Variants in TBC1D8 observed in about 807,000 individuals in gnomAD.
The protein encoded by TBC1D8 is BUB2-like protein 1.
TBC1D8 carries 65 observed loss-of-function variants against 118.8 expected under a neutral mutation model. The ratio of observed to expected loss-of-function variants is 0.55; its 90% confidence interval spans 0.45 to 0.67. TBC1D8 has a LOEUF of 0.67. TBC1D8 is among the 30% of genes least tolerant of loss of function. The probability of loss-of-function intolerance (pLI) is 0.00; values close to 1 mark genes in which losing one functional copy is unlikely to be tolerated. For synonymous variants in TBC1D8, 566 were observed against 595.8 expected, an observed-to-expected ratio of 0.95 and a Z score of 0.73; for missense variants, 1,376 against 1,471.2, an observed-to-expected ratio of 0.94 and a Z score of 1.06.
chr2:101,046,689 G>A (rs1327387541), intron 5 of TBC1D8, among the ~76,000 whole-genome samples: 2 of 152,078 alleles, frequency 1.3e-5, no homozygotes, highest in African/African-American at 4.8e-5. Context: ...AGTGGGGGGA[G>A]GGGAGGAAAG....
At chr2:101,035,708 A>G (rs1347493040) in intron 9 of TBC1D8, among the ~76,000 whole-genome samples, 1 of 152,138 alleles carries the variant, frequency 6.6e-6, no homozygotes, top group African/African-American at 2.4e-5. Flanking sequence ...CTTCACTTCC[A>G]GGGGGTTCTG....
At chr2:101,083,884 GA>G (rs1365040850) in intron 2 of TBC1D8, among the ~76,000 whole-genome samples, 1 of 152,170 alleles carries the variant, frequency 6.6e-6, no homozygotes, top group East Asian at 1.9e-4. Flanking sequence ...CACAGTGCAA[GA>G]TGCCCAAGGC....
At chr2:101,109,086 G>A (rs1046040537) in intron 1 of TBC1D8, among the ~76,000 whole-genome samples, 14 of 152,146 alleles carry the variant, frequency 9.2e-5, no homozygotes, top group African/African-American at 2.2e-4. Context: ...GCAGAGAAGC[G>A]GGGGAGAGTG....
intron 1 of TBC1D8, among the ~76,000 whole-genome samples, chr2:101,120,273 C>T (rs1678035872): frequency 1.3e-5 from 2 of 152,192 alleles, no homozygotes; most frequent in African/African-American, 2.4e-5. Flanking sequence ...TCTCATGTGC[C>T]CGGCCTTCCC....
At chr2:101,054,643 TCAAA>T (rs1298644197) in intron 3 of TBC1D8, among the ~76,000 whole-genome samples, 29 of 65,474 alleles carry the variant, frequency 4.4e-4, no homozygotes, top group African/African-American at 1.4e-3. Flanking sequence ...AGCCCGGTTC[TCAAA>T]CAAACAATCA....
chr2:101,027,916 T>C (rs1305559552), intron 14 of TBC1D8, 132 bp downstream of exon 14: 12 of 781,428 alleles, frequency 1.5e-5, no homozygotes, highest in Non-Finnish European at 2.3e-5. Context: ...ACTTCACCCT[T>C]AAGTTGTTAA....
At chr2:101,068,224 T>TC (rs1218876037) in intron 2 of TBC1D8, among the ~76,000 whole-genome samples, 2 of 152,190 alleles carry the variant, frequency 1.3e-5, no homozygotes, top group Non-Finnish European at 2.9e-5. Context: ...TATTTTGACC[T>TC]CCTTCCAAGA....
chr2:101,077,063 G>A (rs961225418), intron 2 of TBC1D8, among the ~76,000 whole-genome samples: 5 of 152,222 alleles, frequency 3.3e-5, no homozygotes, highest in East Asian at 3.9e-4. Flanking sequence ...TCGCTCTGTC[G>A]CCCAGACTGG....
At chr2:101,143,434 A>T (rs1319799003) in intron 1 of TBC1D8, among the ~76,000 whole-genome samples, 1 of 152,176 alleles carries the variant, frequency 6.6e-6, no homozygotes, top group Non-Finnish European at 1.5e-5. Context: ...AAGACTCACC[A>T]AATGTTAAAG....
At chr2:101,012,511 C>A (rs554104699) in intron 17 of TBC1D8, among the ~76,000 whole-genome samples, 1 of 151,882 alleles carries the variant, frequency 6.6e-6, no homozygotes, top group Admixed American at 6.6e-5. Context: ...AAGCTGCCTA[C>A]GGCTGGGGAA....
chr2:101,060,156 A>G (rs1436008013), intron 2 of TBC1D8, among the ~76,000 whole-genome samples: 1 of 152,214 alleles, frequency 6.6e-6, no homozygotes, highest in Admixed American at 6.5e-5. Context: ...AACTCTGACC[A>G]TCTCCACTCA....
intron 5 of TBC1D8, among the ~76,000 whole-genome samples, chr2:101,046,531 G>A (rs1174765699): frequency 6.6e-6 from 1 of 152,212 alleles, no homozygotes. Context: ...CTGTCAGGCT[G>A]CGGGAGCCCC....
chr2:101,090,012 GAAGGAA>G (rs1675915839), intron 2 of TBC1D8, among the ~76,000 whole-genome samples, 191 bp downstream of exon 2: 1 of 147,352 alleles, frequency 6.8e-6, no homozygotes, highest in South Asian at 2.2e-4. Flanking sequence ...AAGGGGAGAG[GAAGGAA>G]GAGGAGGGCA....
Position 101,037,699 on chromosome 2 carries a change from C to A in TBC1D8, c.1285G>T (p.Val429Leu). 1 of 1,613,074 alleles carries A rather than the reference C, an allele frequency of 6.2e-7. No individual in the cohort carries two copies. The highest frequency in any genetic ancestry group is 8.5e-7 in the Non-Finnish European group (1 of 1,179,876). The change falls in exon 8 of 20, where the codon GTG becomes TTG. Residue 429 changes from valine (V) to leucine (L), a missense_variant. By Grantham distance (32) the Val-to-Leu change is conservative. Coordinates refer to ENST00000409318, the MANE Select transcript of TBC1D8 (RefSeq NM_001330348.2). Reference protein sequence around the residue: ...TSADDDMASLVFHSTSMCSDH... With the variant: ...TSADDDMASLLFHSTSMCSDH... ...CTGCACATGCTTGTTGAATGAAACA[C>A]GAGTGAAGCCTGCACAGCAAGAGAG...
intron 1 of TBC1D8, among the ~76,000 whole-genome samples, chr2:101,120,616 T>A (rs576609093): frequency 1.3e-5 from 2 of 152,304 alleles, no homozygotes; most frequent in East Asian, 3.9e-4. Flanking sequence ...AGAAACTACC[T>A]GTCAGTGTCA....
At chr2:101,111,400 T>C (rs1035178056) in intron 1 of TBC1D8, among the ~76,000 whole-genome samples, 5 of 152,108 alleles carry the variant, frequency 3.3e-5, no homozygotes, top group Non-Finnish European at 7.3e-5. Context: ...ACATGCGCGG[T>C]CCTGTGCCCA....
intron 17 of TBC1D8, chr2:101,018,980 G>T: frequency 6.2e-7 from 1 of 1,610,718 alleles, no homozygotes; most frequent in Non-Finnish European, 8.5e-7. Context: ...CAAATCATCT[G>T]TAATATTTCT....
Position 101,151,246 on chromosome 2 carries a change from A to G in TBC1D8, c.8T>C (p.Leu3Pro). MWLKPEEVLLKNA... is the reference protein window; with the variant it reads MWPKPEEVLLKNA... ...CTTCAGCAGCACCTCCTCGGGCTTG[A>G]GCCACATCGCGGCGGTCCGGCCGCG... is the stretch of plus-strand genomic sequence containing the variant. Residue 3 changes from leucine to proline, a missense_variant, in exon 1 of 20, where the codon CTC becomes CCC. Physicochemically the swap from Leu to Pro is moderately conservative, Grantham distance 98 (BLOSUM62 -3). Coordinates refer to ENST00000409318, the MANE Select transcript of TBC1D8 (RefSeq NM_001330348.2). 8.4e-7 allele frequency: 1 copy of G among 1,186,116 alleles called. No homozygotes were observed. The highest frequency in any genetic ancestry group is 2.6e-5 in the South Asian group (1 of 38,768). The allele number at this position is 1,186,116 out of a possible 1,614,324, so 73.5% of individuals were successfully genotyped here.
At chr2:101,018,307 T>C (rs1240718892) in intron 17 of TBC1D8, 2 of 161,858 alleles carry the variant, frequency 1.2e-5, no homozygotes, top group South Asian at 2.0e-4. Context: ...TATAATGTCA[T>C]GTGCTCTTTC....
Sources: allele counts gnomAD v4.1 joint callset (sites outside exome capture counted in the v4.1 genomes callset), GRCh38; gene constraint gnomAD v4.1.1; transcripts MANE v1.5; gene names NCBI Gene and HGNC (gene_info 2026-07-23, HGNC 2026-07-21).